ARHGAP24: variants seen among roughly 807,000 people sequenced by gnomAD.
ARHGAP24 encodes rho GTPase-activating protein 24.
Under a neutral mutation model 76.4 loss-of-function variants are expected in ARHGAP24, and 50 were observed. That is an observed-to-expected ratio of 0.65 (90% CI 0.52 to 0.83). The LOEUF (loss-of-function observed/expected upper bound fraction) is 0.83. Among genes scored for constraint, ARHGAP24 ranks in the 40% least tolerant of loss-of-function variants. The probability of loss-of-function intolerance (pLI) is 0.00; values close to 1 mark genes in which losing one functional copy is unlikely to be tolerated. For synonymous variants in ARHGAP24, 345 were observed against 323.3 expected, an observed-to-expected ratio of 1.07 and a Z score of -0.72; for missense variants, 930 against 914.2, an observed-to-expected ratio of 1.02 and a Z score of -0.22.
At chr4:85,930,803 C>T in intron 4 of ARHGAP24, 1 of 1,501,790 alleles carries the variant, frequency 6.7e-7, no homozygotes, top group Non-Finnish European at 8.9e-7. Flanking sequence ...TGATCAAAAC[C>T]TTCAAATTCT....
intron 1 of ARHGAP24, among the ~76,000 whole-genome samples, chr4:85,514,591 C>G (rs1021387440): frequency 1.3e-5 from 2 of 151,882 alleles, no homozygotes; most frequent in Non-Finnish European, 2.9e-5. Flanking sequence ...ATGTCCTAAC[C>G]ACTTGCAGAC....
chr4:85,557,276 C>T (rs774287869), intron 1 of ARHGAP24, among the ~76,000 whole-genome samples: 1 of 152,158 alleles, frequency 6.6e-6, no homozygotes, highest in Non-Finnish European at 1.5e-5. Flanking sequence ...TCCTTTCCTG[C>T]AGGCATGTGA....
rs374382618 is a variant in ARHGAP24 at position 85,564,391 on chromosome 4, T to C, written c.-20-6131T>C. Among the ~76,000 whole-genome samples, 147 of 129,880 alleles carry C rather than the reference T, an allele frequency of 1.1e-3. 1 individual carries two copies. The East Asian group carries it at 0.017, about 15-fold the overall frequency. 85.2% of individuals were successfully genotyped at this position (129,880 alleles called of 152,430 possible). The stretch of plus-strand genomic sequence containing the variant: ...GGGAACATCACACACCGGGGCCTGT[T>C]GTGGGGTGGGGGGAGCGGGGGGGAT... On this transcript the variant is annotated intron_variant, in intron 1 of 9. Coordinates refer to ENST00000395184, the MANE Select transcript of ARHGAP24 (RefSeq NM_001025616.3).
chr4:85,916,905 C>CT (rs930287182), intron 3 of ARHGAP24, among the ~76,000 whole-genome samples: 7 of 151,914 alleles, frequency 4.6e-5, no homozygotes, highest in Admixed American at 3.3e-4. Context: ...GACATCACTT[C>CT]TTTTTTTTAT....
At chr4:85,936,607 G>C (rs1260279173) in intron 4 of ARHGAP24, among the ~76,000 whole-genome samples, 1 of 152,066 alleles carries the variant, frequency 6.6e-6, no homozygotes, top group Non-Finnish European at 1.5e-5. Context: ...TATAATAAAT[G>C]TAAAAATAAA....
intron 3 of ARHGAP24, among the ~76,000 whole-genome samples, chr4:85,790,819 G>C (rs1728084679): frequency 6.6e-6 from 1 of 152,198 alleles, no homozygotes; most frequent in Non-Finnish European, 1.5e-5. Flanking sequence ...TGTCTCTACT[G>C]AGAAATATGC....
At chr4:85,807,802 G>A (rs536586394) in intron 3 of ARHGAP24, among the ~76,000 whole-genome samples, 120 of 152,180 alleles carry the variant, frequency 7.9e-4, no homozygotes, top group Non-Finnish European at 1.3e-3. Context: ...AACCTCCCAG[G>A]GGCATTTCAA....
chr4:85,932,076 T>G (rs1480596116), intron 4 of ARHGAP24, among the ~76,000 whole-genome samples: 1 of 152,212 alleles, frequency 6.6e-6, no homozygotes, highest in Non-Finnish European at 1.5e-5. Context: ...AGTGCTTTCC[T>G]TTGCGTAGCT....
chr4:85,590,442 C>A (rs996244437), intron 2 of ARHGAP24, among the ~76,000 whole-genome samples: 2 of 150,044 alleles, frequency 1.3e-5, no homozygotes, highest in South Asian at 2.1e-4. Flanking sequence ...TCATTGCAAC[C>A]TTTGCCTCCT....
intron 3 of ARHGAP24, among the ~76,000 whole-genome samples, chr4:85,875,909 A>T (rs1480028867): frequency 1.3e-5 from 2 of 150,988 alleles, no homozygotes; most frequent in Admixed American, 6.7e-5. Flanking sequence ...TGCCTAGCTA[A>T]TTTTTTTATT....
intron 1 of ARHGAP24, among the ~76,000 whole-genome samples, chr4:85,523,577 A>G (rs116647532): frequency 0.01 from 1,556 of 152,268 alleles, 25 homozygotes; most frequent in African/African-American, 0.035. Context: ...ATAACTCTCA[A>G]CTTTAGTTAT....
chr4:85,530,227 G>C (rs534653182), intron 1 of ARHGAP24, among the ~76,000 whole-genome samples: 1 of 152,032 alleles, frequency 6.6e-6, no homozygotes, highest in Non-Finnish European at 1.5e-5. Flanking sequence ...AATAGTAAAA[G>C]AGCATTAGAT....
chr4:85,525,852 A>G (rs17010342), intron 1 of ARHGAP24, among the ~76,000 whole-genome samples: 18,422 of 152,162 alleles, frequency 0.12, 3,140 homozygotes, highest in African/African-American at 0.38. Flanking sequence ...AAGTGTTGTC[A>G]TGAATGTTCT....
At chr4:85,506,905 C>CA (rs1399123654) in intron 1 of ARHGAP24, among the ~76,000 whole-genome samples, 2 of 151,280 alleles carry the variant, frequency 1.3e-5, no homozygotes, top group East Asian at 1.9e-4. Context: ...TTTTTTTCCC[C>CA]CCATGTGGAA....
intron 3 of ARHGAP24, among the ~76,000 whole-genome samples, chr4:85,848,633 G>A (rs551583924): frequency 1.3e-5 from 2 of 152,288 alleles, no homozygotes; most frequent in East Asian, 1.9e-4. Flanking sequence ...TAAGGTGCAA[G>A]GAAGAGATCC....
chr4:85,831,558 A>G (rs1246761825), intron 3 of ARHGAP24, among the ~76,000 whole-genome samples: 1 of 152,152 alleles, frequency 6.6e-6, no homozygotes, highest in African/African-American at 2.4e-5. Context: ...TTTGACTGAT[A>G]ACTTATCAGA....
chr4:85,855,877 A>G (rs1399262563), intron 3 of ARHGAP24, among the ~76,000 whole-genome samples: 1 of 152,164 alleles, frequency 6.6e-6, no homozygotes, highest in African/African-American at 2.4e-5. Flanking sequence ...TGACCACTGG[A>G]TATGATACAT....
chr4:85,876,332 T>A (rs1160853363), intron 3 of ARHGAP24, among the ~76,000 whole-genome samples: 1 of 152,202 alleles, frequency 6.6e-6, no homozygotes, highest in African/African-American at 2.4e-5. Context: ...ATTGTCAGCA[T>A]TGTCTTTAAT....
intron 3 of ARHGAP24, among the ~76,000 whole-genome samples, chr4:85,727,132 A>G (rs926556744): frequency 1.3e-5 from 2 of 152,132 alleles, no homozygotes; most frequent in African/African-American, 4.8e-5. Context: ...AGGCAGGAGA[A>G]TCCCTTGAAC....
Sources: gnomAD v4.1 joint callset for allele counts (sites outside exome capture counted in the v4.1 genomes callset) on GRCh38, gnomAD v4.1.1 for gene constraint, MANE v1.5 for transcripts, NCBI Gene and HGNC (gene_info 2026-07-23, HGNC 2026-07-21) for gene names.